The following TEX11 variants were observed in gnomAD, a reference collection of about 807,000 sequenced individuals.
TEX11 encodes testis expressed 11.
In TEX11, 7 loss-of-function variants were observed where a neutral mutation model predicts 84.4. The observed-to-expected ratio is 0.08, with a 90% CI of 0.05 to 0.16. The LOEUF (loss-of-function observed/expected upper bound fraction) is 0.16. TEX11 is among the 10% of genes least tolerant of loss of function. The probability of loss-of-function intolerance (pLI) is 1.00; values close to 1 mark genes in which losing one functional copy is unlikely to be tolerated. For synonymous variants in TEX11, 264 were observed against 222.8 expected (o/e 1.18, Z -1.64); for missense variants, 551 against 660.5 (o/e 0.83, Z 1.82).
intron 11 of TEX11, among the ~76,000 whole-genome samples, chrX:70,739,536 C>T (rs1301714504): frequency 9.2e-6 from 1 of 108,689 alleles, no homozygotes; most frequent in African/African-American, 3.4e-5. Flanking sequence ...CTCAGCCTCC[C>T]GAGTAGCTGG....
At chrX:70,652,557 T>C (rs1261397621) in intron 16 of TEX11, among the ~76,000 whole-genome samples, 1 of 112,091 alleles carries the variant, frequency 8.9e-6, no homozygotes, top group Non-Finnish European at 1.9e-5. Context: ...AATACAGTTA[T>C]AGTGGTTGTT....
intron 4 of TEX11, among the ~76,000 whole-genome samples, chrX:70,867,340 A>G (rs1262243543): frequency 9.0e-6 from 1 of 111,482 alleles, no homozygotes; most frequent in Non-Finnish European, 1.9e-5. Flanking sequence ...CTCTTCAAGG[A>G]GAACTACAAA....
chrX:70,529,737 C>T (rs2087859540), intron 29 of TEX11, 98 bp downstream of exon 29: 2 of 885,680 alleles, frequency 2.3e-6, no homozygotes, highest in South Asian at 6.1e-5. Context: ...AGATCCTTTC[C>T]TAGCCAAGGA....
chrX:70,557,233 C>T (rs1327027242), intron 25 of TEX11, among the ~76,000 whole-genome samples: 1 of 109,070 alleles, frequency 9.2e-6, no homozygotes, highest in Non-Finnish European at 1.9e-5. Flanking sequence ...CTTTGGGAGG[C>T]CAAGGCAGGT....
chrX:70,645,351 G>T (rs959762902), intron 17 of TEX11, among the ~76,000 whole-genome samples: 9 of 110,470 alleles, frequency 8.1e-5, no homozygotes, highest in Non-Finnish European at 1.7e-4. Flanking sequence ...ATACTCAATG[G>T]TGAATAGTTA....
In TEX11 at chrX:70,704,778, G is replaced by C. The variant is rs777065549; in HGVS notation, c.1004+17840C>G. ...GAGAGAAACATTCCTTACTTTTATC[G>C]TTTATGACAAGTGCTAATTTGTATG... On this transcript the variant is annotated intron_variant, in intron 13 of 29. Coordinates refer to ENST00000374333, the MANE Select transcript of TEX11 (RefSeq NM_031276.3). Among the ~76,000 whole-genome samples the C allele has an allele frequency of 6.5e-5, 7 of 108,525 alleles. No homozygotes were observed. In the South Asian group the frequency reaches 2.8e-3, roughly 43 times the overall value. 94.2% of individuals were successfully genotyped at this position (108,525 alleles called of 115,157 possible). A position where few individuals can be genotyped will look rare whatever the true frequency, so the allele number is the denominator to read the frequency against.
intron 25 of TEX11, among the ~76,000 whole-genome samples, chrX:70,587,329 G>T (rs2088866721): frequency 8.9e-6 from 1 of 112,197 alleles, no homozygotes; most frequent in African/African-American, 3.2e-5. Flanking sequence ...AGGTCTGGAG[G>T]CCTAGGAGGG....
At chrX:70,573,367 G>T (rs752057221) in intron 25 of TEX11, among the ~76,000 whole-genome samples, 1 of 111,371 alleles carries the variant, frequency 9.0e-6, no homozygotes, top group Non-Finnish European at 1.9e-5. Flanking sequence ...GAGATACTTG[G>T]GTATCTCCAG....
At chrX:70,664,370 T>C (rs2089958382) in intron 16 of TEX11, among the ~76,000 whole-genome samples, 1 of 111,674 alleles carries the variant, frequency 9.0e-6, no homozygotes, top group Non-Finnish European at 1.9e-5. Context: ...TTCCTGTTTG[T>C]CTTCGTCTTG....
chrX:70,639,978 G>A (rs989880222), intron 17 of TEX11, among the ~76,000 whole-genome samples: 12 of 110,522 alleles, frequency 1.1e-4, no homozygotes, highest in Non-Finnish European at 1.9e-4. Flanking sequence ...TCTGAGCTAC[G>A]GGAGGACATT....
At chrX:70,618,107 G>A (rs969032003) in intron 20 of TEX11, among the ~76,000 whole-genome samples, 1 of 112,122 alleles carries the variant, frequency 8.9e-6, no homozygotes, top group African/African-American at 3.2e-5. Context: ...AGTGAAGGAA[G>A]AATTGAACAG....
intron 8 of TEX11, among the ~76,000 whole-genome samples, chrX:70,824,591 A>C (rs2091334973): frequency 9.0e-6 from 1 of 110,770 alleles, no homozygotes; most frequent in African/African-American, 3.3e-5. Flanking sequence ...GTCACAGTGC[A>C]ACTGCAGATT....
chrX:70,894,606 C>T (rs1488414440), intron 2 of TEX11, among the ~76,000 whole-genome samples: 1 of 106,294 alleles, frequency 9.4e-6, no homozygotes, highest in South Asian at 4.4e-4. Flanking sequence ...AGCCTGGCGA[C>T]AGAGCGAGAC....
chrX:70,599,373 C>A (rs1050473711), intron 24 of TEX11, among the ~76,000 whole-genome samples: 1 of 111,855 alleles, frequency 8.9e-6, no homozygotes, highest in Non-Finnish European at 1.9e-5. Context: ...TTTCTCCTAA[C>A]TCATACTCAG....
intron 24 of TEX11, among the ~76,000 whole-genome samples, chrX:70,595,111 C>T (rs776979225): frequency 5.4e-5 from 6 of 111,275 alleles, no homozygotes; most frequent in South Asian, 3.8e-4. Context: ...GACAGAGTTT[C>T]GCTCTTGTTG....
chrX:70,640,019 G>A (rs1418178460), intron 17 of TEX11, among the ~76,000 whole-genome samples: 2 of 108,365 alleles, frequency 1.8e-5, no homozygotes, highest in Admixed American at 9.9e-5. Context: ...TGAAAACTTT[G>A]AAAAAAATTT....
chrX:70,766,318 A>G (rs574872013), intron 9 of TEX11, among the ~76,000 whole-genome samples: 1 of 110,364 alleles, frequency 9.1e-6, no homozygotes, highest in South Asian at 3.9e-4. Flanking sequence ...AGGCTGTGGC[A>G]GAAGAATCAC....
chrX:70,599,817 A>G (rs1395879848), intron 24 of TEX11, among the ~76,000 whole-genome samples: 1 of 107,048 alleles, frequency 9.3e-6, no homozygotes, highest in Non-Finnish European at 1.9e-5. Context: ...ATGATTTCCA[A>G]TTTCATCCAT....
intron 4 of TEX11, among the ~76,000 whole-genome samples, chrX:70,868,911 G>A (rs951512851): frequency 5.5e-5 from 6 of 108,952 alleles, no homozygotes; most frequent in Admixed American, 2.0e-4. Flanking sequence ...GCATTAGGAC[G>A]CATACCTAAT....
Sources: gnomAD v4.1 joint callset for allele counts (sites outside exome capture counted in the v4.1 genomes callset) on GRCh38, gnomAD v4.1.1 for gene constraint, MANE v1.5 for transcripts, NCBI Gene and HGNC (gene_info 2026-07-23, HGNC 2026-07-21) for gene names.